Variants in FOXP1 observed in about 807,000 individuals in gnomAD.
FOXP1 encodes the protein forkhead box protein P1.
In FOXP1, 15 loss-of-function variants were observed where a neutral mutation model predicts 98.2. The ratio of observed to expected loss-of-function variants is 0.15; its 90% CI spans 0.10 to 0.24. The LOEUF (loss-of-function observed/expected upper bound fraction) is 0.24. Ranked by LOEUF, FOXP1 falls within the 10% of genes least tolerant of loss-of-function variation. The pLI, the probability that FOXP1 is intolerant of heterozygous loss-of-function variation, is 1.00. For synonymous variants in FOXP1, 371 were observed against 314.5 expected, an observed-to-expected ratio of 1.18 and a Z score of -1.90; for missense variants, 633 against 848.5, an observed-to-expected ratio of 0.75 and a Z score of 3.15.
intron 7 of FOXP1, among the ~76,000 whole-genome samples, chr3:71,096,512 G>A (rs1467814591): frequency 1.3e-5 from 2 of 152,126 alleles, no homozygotes; most frequent in Admixed American, 1.3e-4. Flanking sequence ...ACAAATGTAA[G>A]TCACTTTGCC....
chr3:71,477,075 A>T (rs1175475143), intron 3 of FOXP1, among the ~76,000 whole-genome samples: 2 of 152,194 alleles, frequency 1.3e-5, no homozygotes, highest in African/African-American at 4.8e-5. Flanking sequence ...GCCTTGAGCT[A>T]GTGTTGCAGA....
intron 4 of FOXP1, among the ~76,000 whole-genome samples, chr3:71,300,805 A>T (rs925848138): frequency 6.6e-6 from 1 of 152,236 alleles, no homozygotes; most frequent in Non-Finnish European, 1.5e-5. Context: ...CAAAATGTTA[A>T]TATCTTTTTG....
At chr3:71,190,797 G>C (rs1473413319) in intron 6 of FOXP1, among the ~76,000 whole-genome samples, 1 of 152,072 alleles carries the variant, frequency 6.6e-6, no homozygotes, top group Non-Finnish European at 1.5e-5. Flanking sequence ...ACATTTTCTT[G>C]TCGGCAGGGG....
intron 4 of FOXP1, among the ~76,000 whole-genome samples, chr3:71,315,792 C>T (rs1322437491): frequency 6.6e-6 from 1 of 152,154 alleles, no homozygotes; most frequent in Admixed American, 6.5e-5. Context: ...AGCAAAGAGG[C>T]CAGAGAACAG....
chr3:71,326,890 A>G (rs2075724288), intron 4 of FOXP1, among the ~76,000 whole-genome samples: 1 of 152,164 alleles, frequency 6.6e-6, no homozygotes, highest in Non-Finnish European at 1.5e-5. Flanking sequence ...AATCCAAACT[A>G]TAAGAGAAAT....
chr3:71,553,188 T>C (rs1264102258), intron 2 of FOXP1, among the ~76,000 whole-genome samples: 1 of 152,156 alleles, frequency 6.6e-6, no homozygotes, highest in African/African-American at 2.4e-5. Flanking sequence ...TCAATTCTAC[T>C]ATGTGGTATT....
At chr3:71,462,082 T>C (rs1004971344) in intron 3 of FOXP1, among the ~76,000 whole-genome samples, 1 of 152,130 alleles carries the variant, frequency 6.6e-6, no homozygotes, top group Non-Finnish European at 1.5e-5. Context: ...AGTTCACTAG[T>C]AGAGAAAGGA....
chr3:71,355,811 A>G (rs1434612765), intron 4 of FOXP1, among the ~76,000 whole-genome samples: 1 of 152,152 alleles, frequency 6.6e-6, no homozygotes, highest in Non-Finnish European at 1.5e-5. Context: ...GTTTGTTATT[A>G]TAGGTGGTGT....
chr3:71,371,103 T>C (rs760857738), intron 3 of FOXP1, among the ~76,000 whole-genome samples: 3 of 152,096 alleles, frequency 2.0e-5, no homozygotes, highest in Non-Finnish European at 2.9e-5. Flanking sequence ...GAGTTTCTGA[T>C]TCACTATGGC....
rs1465191814 is a variant in FOXP1 at position 70,977,907 on chromosome 3, G to T, written c.1269C>A (p.Val423=). The change falls in exon 15 of 21, where the codon GTC becomes GTA. Residue 423 remains valine, a synonymous_variant. Transcript: ENST00000649528. ...PLTPVTQGPS[V]ITTTSMHTVG... ...CCGTGTGCATGCTGGTGGTTGTGATGACAGAGGGGCCTTGGGTGACGGGAG... is the reference window on the plus strand; with the variant it reads ...CCGTGTGCATGCTGGTGGTTGTGATTACAGAGGGGCCTTGGGTGACGGGAG... 3 of 1,614,070 alleles carry T rather than the reference G, an allele frequency of 1.9e-6. No homozygotes were observed. In the South Asian group the frequency reaches 3.3e-5, roughly 18 times the overall value.
chr3:71,306,631 C>CA (rs66479255), intron 4 of FOXP1, among the ~76,000 whole-genome samples: 187 of 42,808 alleles, frequency 4.4e-3, no homozygotes, highest in African/African-American at 0.012. Flanking sequence ...GAGAATAAGC[C>CA]AAAAAAAAAA....
intron 5 of FOXP1, among the ~76,000 whole-genome samples, chr3:71,262,656 G>A (rs13317651): frequency 6.6e-6 from 1 of 152,186 alleles, no homozygotes; most frequent in Non-Finnish European, 1.5e-5. Context: ...GTGAGGGTCA[G>A]AGTCTAAATG....
At chr3:71,348,353 C>A (rs970581855) in intron 4 of FOXP1, among the ~76,000 whole-genome samples, 5 of 152,094 alleles carry the variant, frequency 3.3e-5, no homozygotes, top group African/African-American at 1.2e-4. Flanking sequence ...TTTATTCCAA[C>A]AGTTGTAATA....
intron 4 of FOXP1, among the ~76,000 whole-genome samples, chr3:71,313,768 G>T (rs930767968): frequency 9.2e-5 from 14 of 151,922 alleles, no homozygotes; most frequent in African/African-American, 2.9e-4. Flanking sequence ...CTCGTGATCC[G>T]CCCACCTCGG....
intron 14 of FOXP1, among the ~76,000 whole-genome samples, chr3:70,986,635 G>A (rs2039782953): frequency 6.6e-6 from 1 of 152,186 alleles, no homozygotes; most frequent in Non-Finnish European, 1.5e-5. Context: ...TCTAGAAGGA[G>A]GGGTTGCTAG....
chr3:71,098,347 A>T (rs1316638022), intron 7 of FOXP1, among the ~76,000 whole-genome samples: 1 of 152,176 alleles, frequency 6.6e-6, no homozygotes. Context: ...TGCCATTAAT[A>T]TTATACCTTA....
At position 71,141,830 on chromosome 3, in the gene FOXP1, A is replaced by G. The variant is rs141640397; in HGVS notation, c.181-29193T>C. Among the ~76,000 whole-genome samples, 3 of 152,362 alleles carry G rather than the reference A, an allele frequency of 2.0e-5. No individual in the cohort carries two copies. The East Asian group carries it at 5.8e-4, about 29-fold the overall frequency. Reference sequence around the variant, plus strand: ...TTCTCATTTTTAACCTACTCTAGATAAGTCCATCAAGGAATTCATCCACGA... The same window carrying G: ...TTCTCATTTTTAACCTACTCTAGATGAGTCCATCAAGGAATTCATCCACGA... On this transcript the variant is annotated intron_variant, in intron 6 of 20. Transcript: ENST00000649528.
At chr3:71,559,933 C>A (rs1005083308) in intron 2 of FOXP1, among the ~76,000 whole-genome samples, 4 of 152,268 alleles carry the variant, frequency 2.6e-5, no homozygotes, top group South Asian at 4.1e-4. Flanking sequence ...GGAAAAACTT[C>A]TATTCTGCTG....
intron 3 of FOXP1, among the ~76,000 whole-genome samples, chr3:71,385,923 C>A (rs1420433426): frequency 2.6e-5 from 4 of 152,148 alleles, no homozygotes; most frequent in African/African-American, 9.7e-5. Flanking sequence ...ATGTGTATTT[C>A]ATCACCTTCC....
Sources: gnomAD v4.1 joint callset for allele counts (sites outside exome capture counted in the v4.1 genomes callset) on GRCh38, gnomAD v4.1.1 for gene constraint, MANE v1.5 for transcripts, NCBI Gene and HGNC (gene_info 2026-07-23, HGNC 2026-07-21) for gene names.